Variants in RBBP8 observed in about 807,000 individuals in gnomAD.
RBBP8 encodes RB binding protein 8, endonuclease, also known as DNA endonuclease RBBP8.
A neutral mutation model predicts 108.3 loss-of-function variants in RBBP8; 88 were observed. The ratio of observed to expected loss-of-function variants is 0.81; its 90% CI spans 0.68 to 0.97. The LOEUF (loss-of-function observed/expected upper bound fraction) is 0.97. RBBP8 is among the 50% of genes least tolerant of loss of function. The pLI, the probability that RBBP8 is intolerant of heterozygous loss-of-function variation, is 0.00. For synonymous variants in RBBP8, 332 were observed against 348.2 expected, an observed-to-expected ratio of 0.95 and a Z score of 0.52; for missense variants, 1,023 against 1,049.0, an observed-to-expected ratio of 0.98 and a Z score of 0.34.
At chr18:22,939,398 C>T (rs1182222415) in intron 2 of RBBP8, among the ~76,000 whole-genome samples, 2 of 152,048 alleles carry the variant, frequency 1.3e-5, no homozygotes, top group Non-Finnish European at 2.9e-5. Flanking sequence ...CCCCGCTACT[C>T]AGGAAGGCTG....
At chr18:22,971,239 C>G (rs184889424) in intron 5 of RBBP8, among the ~76,000 whole-genome samples, 12 of 152,204 alleles carry the variant, frequency 7.9e-5, no homozygotes, top group African/African-American at 2.6e-4. Context: ...CCCACTCACT[C>G]CATCATTGGA....
At chr18:22,961,731 TC>T (rs1913115337) in intron 4 of RBBP8, among the ~76,000 whole-genome samples, 1 of 152,164 alleles carries the variant, frequency 6.6e-6, no homozygotes, top group Non-Finnish European at 1.5e-5. Context: ...AGACAGTTCT[TC>T]CAGGGAAGCC....
In RBBP8 at chr18:22,993,395, A is replaced by G. The variant is rs1197960502; in HGVS notation, c.1568A>G (p.Glu523Gly). 6.2e-7 allele frequency: 1 copy of G among 1,614,240 alleles called. No individual in the cohort carries two copies. The highest frequency in any genetic ancestry group is 8.5e-7 in the Non-Finnish European group (1 of 1,180,040). ...KNKFRQVTLYEALKTIPKGFS... is the reference protein window; with the variant it reads ...KNKFRQVTLYGALKTIPKGFS... ...AAATTTAGGCAAGTGACTCTTTATG[A>G]GGCTTTGAAGACCATTCCAAAGGGC... The change falls in exon 11 of 19, where the codon GAG becomes GGG. Residue 523 changes from glutamate to glycine, a missense_variant. Glu to Gly is a moderately conservative substitution (Grantham distance 98). Coordinates refer to ENST00000327155, the MANE Select transcript of RBBP8 (RefSeq NM_002894.3).
intron 17 of RBBP8, among the ~76,000 whole-genome samples, chr18:23,018,436 G>A (rs982209244): frequency 6.6e-6 from 1 of 152,166 alleles, no homozygotes; most frequent in Non-Finnish European, 1.5e-5. Context: ...TGTCTTGGAT[G>A]TTGAAGTAGA....
intron 5 of RBBP8, among the ~76,000 whole-genome samples, chr18:22,972,961 A>G (rs1458410474): frequency 6.6e-6 from 1 of 152,168 alleles, no homozygotes; most frequent in Non-Finnish European, 1.5e-5. Flanking sequence ...GCTTTTCCGT[A>G]TGGATAGTTG....
intron 1 of RBBP8, among the ~76,000 whole-genome samples, chr18:22,935,354 G>A (rs1243845546): frequency 7.0e-6 from 1 of 143,334 alleles, no homozygotes; most frequent in East Asian, 2.1e-4. Flanking sequence ...AAATATCTCG[G>A]TAAATATCCC....
At chr18:22,937,071 C>G (rs762024911) in intron 2 of RBBP8, 111 bp downstream of exon 2, 1 of 1,528,786 alleles carries the variant, frequency 6.5e-7, no homozygotes, top group Non-Finnish European at 8.8e-7. Flanking sequence ...TTTTAGGTTC[C>G]GGGGGTACAT....
Position 22,993,532 on chromosome 18 carries a change from C to T in RBBP8, c.1705C>T (p.Pro569Ser). ...IILQPLNKCS[P>S]DNKPSLQIKE... The stretch of plus-strand genomic sequence containing the variant: ...CCTTCAGCCCTTGAATAAATGCTCT[C>T]CAGACAATAAACCATCATTACAAAT... The change falls in exon 11 of 19, where the codon CCA (proline) becomes TCA (serine). Residue 569 changes from proline to serine, a missense_variant. Physicochemically the swap from Pro to Ser is moderately conservative, Grantham distance 74. Transcript: ENST00000327155. The T allele has an allele frequency of 6.2e-7, 1 of 1,613,422 alleles. No homozygotes were observed. Among genetic ancestry groups the T allele is most frequent in the Non-Finnish European group, 8.5e-7 (1 of 1,179,856 alleles).
Position 22,993,351 on chromosome 18 carries a change from A to T in RBBP8, c.1524A>T (p.Gly508=), listed in dbSNP as rs1276963033. 6.2e-7 allele frequency: 1 copy of T among 1,614,128 alleles called. No individual in the cohort carries two copies. The highest frequency in any genetic ancestry group is 8.5e-7 in the Non-Finnish European group (1 of 1,180,058). Residue 508 remains glycine (G), a synonymous_variant, in exon 11 of 19, where the codon GGA becomes GGT. Transcript: ENST00000327155. ...TTCAGCGTCAAGAGAAAAGCCAAGG[A>T]AGTGAGACTTCTAAAAACAAATTTA... The part of the protein sequence containing the change: ...SAIQRQEKSQ[G]SETSKNKFRQ...
intron 4 of RBBP8, among the ~76,000 whole-genome samples, chr18:22,953,826 G>A (rs1912250398): frequency 6.6e-6 from 1 of 151,952 alleles, no homozygotes; most frequent in Non-Finnish European, 1.5e-5. Context: ...AAAGAAAGGT[G>A]GTTTAGTTGA....
In RBBP8 at chr18:23,009,981, C is replaced by T. The variant is rs1042786488; in HGVS notation, c.2357+3549C>T. 2.0e-5 allele frequency among the ~76,000 whole-genome samples: 3 copies of T among 152,170 alleles called. No individual in the cohort carries two copies. In the East Asian group the frequency reaches 5.8e-4, roughly 29 times the overall value. On this transcript the variant is annotated intron_variant, in intron 16 of 18. Coordinates refer to ENST00000327155, the MANE Select transcript of RBBP8 (RefSeq NM_002894.3). ...TTCACCATGTTGGCCAGGATGGTCT[C>T]GATCTCTTGACCTTGTGATCTGCCT... is the stretch of plus-strand genomic sequence containing the variant.
At chr18:22,967,381 A>AC (rs1913703755) in intron 4 of RBBP8, among the ~76,000 whole-genome samples, 1 of 151,444 alleles carries the variant, frequency 6.6e-6, no homozygotes, top group Non-Finnish European at 1.5e-5. Flanking sequence ...AAAAAAAAAA[A>AC]CAATTATCTT....
At chr18:22,961,312 C>T (rs1258750733) in intron 4 of RBBP8, among the ~76,000 whole-genome samples, 1 of 152,098 alleles carries the variant, frequency 6.6e-6, no homozygotes. Context: ...AGCTGGGGGC[C>T]CAGCTATACA....
At chr18:22,917,952 C>T (rs1482772991) in intron 3 of RBBP8, among the ~76,000 whole-genome samples, 6 of 148,132 alleles carry the variant, frequency 4.1e-5, no homozygotes, top group East Asian at 2.0e-4. Flanking sequence ...GAGCCAAGAT[C>T]GCGCCACTGC....
intron 8 of RBBP8, among the ~76,000 whole-genome samples, chr18:22,985,393 A>T (rs559353456): frequency 6.6e-6 from 1 of 152,262 alleles, no homozygotes; most frequent in East Asian, 1.9e-4. Flanking sequence ...GTAAGAAGGG[A>T]TATTAGAAAG....
At chr18:22,997,758 AT>A (rs750876412) in intron 14 of RBBP8, 24 bp downstream of exon 14, 51 of 1,441,546 alleles carry the variant, frequency 3.5e-5, no homozygotes, top group African/African-American at 8.5e-5. Context: ...TTGTTTTGTT[AT>A]TTTTTTTAAT....
At chr18:23,011,064 T>G (rs1270119838) in intron 16 of RBBP8, among the ~76,000 whole-genome samples, 1 of 152,238 alleles carries the variant, frequency 6.6e-6, no homozygotes, top group Non-Finnish European at 1.5e-5. Flanking sequence ...TTCCCTTTTC[T>G]AATTCACAGA....
chr18:22,990,920 A>G lies in RBBP8; in HGVS notation c.808-17A>G. On this transcript the variant is annotated splice_polypyrimidine_tract_variant and intron_variant, in intron 9 of 18. Transcript: ENST00000327155. ...AAATCCCATTACATGGATGTGCTTC[A>G]TATTTTACTCTTGAAGGAAACTCAA... 1 of 1,560,818 alleles carries G rather than the reference A, an allele frequency of 6.4e-7. No individual in the cohort carries two copies. The highest frequency in any genetic ancestry group is 8.8e-7 in the Non-Finnish European group (1 of 1,132,140).
At chr18:22,915,716 C>T (rs1031651) in intron 2 of RBBP8, among the ~76,000 whole-genome samples, 102,917 of 151,876 alleles carry the variant, frequency 0.68, 35,769 homozygotes, top group Middle Eastern at 0.84. Context: ...GAATATATTG[C>T]ATATGATAAT....
Sources: gnomAD v4.1 joint callset for allele counts (sites outside exome capture counted in the v4.1 genomes callset) on GRCh38, gnomAD v4.1.1 for gene constraint, MANE v1.5 for transcripts, NCBI Gene and HGNC (gene_info 2026-07-23, HGNC 2026-07-21) for gene names.